The following PDIA5 variants were observed in gnomAD, a reference collection of about 807,000 sequenced individuals.
PDIA5 encodes protein disulfide isomerase family A member 5.
A neutral mutation model predicts 77.6 loss-of-function variants in PDIA5; 58 were observed. That is an observed-to-expected ratio of 0.75 (90% CI 0.61 to 0.93). The LOEUF (loss-of-function observed/expected upper bound fraction) is 0.93. Ranked by LOEUF, PDIA5 falls within the 40% of genes least tolerant of loss-of-function variation. PDIA5 has a pLI of 0.00. For missense variants in PDIA5, 630 were observed against 647.7 expected (o/e 0.97, Z 0.30); for synonymous variants, 250 against 252.1 (o/e 0.99, Z 0.08).
chr3:123,070,614 C>T (rs1324506290), intron 1 of PDIA5, among the ~76,000 whole-genome samples: 2 of 152,152 alleles, frequency 1.3e-5, no homozygotes, highest in Non-Finnish European at 2.9e-5. Context: ...CTGCCAAGTG[C>T]TCCTGGACAC....
chr3:123,141,163 T>G (rs1349278206), intron 11 of PDIA5, among the ~76,000 whole-genome samples: 2 of 152,366 alleles, frequency 1.3e-5, no homozygotes, highest in East Asian at 3.9e-4. Context: ...TCTCAGTGAA[T>G]GGCAATGGCT....
chr3:123,122,799 C>CCT (rs556630564), intron 8 of PDIA5, among the ~76,000 whole-genome samples: 1 of 152,134 alleles, frequency 6.6e-6, no homozygotes, highest in Non-Finnish European at 1.5e-5. Context: ...TATTTATTTT[C>CCT]CTCTCTCTCT....
chr3:123,124,675 A>G (rs2107959663), intron 10 of PDIA5, among the ~76,000 whole-genome samples: 1 of 152,322 alleles, frequency 6.6e-6, no homozygotes, highest in South Asian at 2.1e-4. Context: ...CTTCTGGAAT[A>G]GTCAGGGCCT....
chr3:123,100,181 T>C (rs891653856), intron 3 of PDIA5, among the ~76,000 whole-genome samples: 8 of 152,076 alleles, frequency 5.3e-5, no homozygotes, highest in Non-Finnish European at 1.2e-4. Flanking sequence ...ACATCCTGAG[T>C]TGAGCCCTGT....
intron 15 of PDIA5, among the ~76,000 whole-genome samples, chr3:123,155,591 G>A (rs971801512): frequency 6.6e-5 from 10 of 152,256 alleles, no homozygotes; most frequent in African/African-American, 2.4e-4. Context: ...GGGGGCTTCT[G>A]CTGGGAGAGG....
At chr3:123,142,326 C>T (rs1935658953) in intron 11 of PDIA5, among the ~76,000 whole-genome samples, 1 of 152,264 alleles carries the variant, frequency 6.6e-6, no homozygotes, top group South Asian at 2.1e-4. Flanking sequence ...CCCTGGGAAT[C>T]TGCATGTAAT....
chr3:123,115,540 G>A (rs1413911570), intron 7 of PDIA5, among the ~76,000 whole-genome samples: 1 of 152,130 alleles, frequency 6.6e-6, no homozygotes, highest in Non-Finnish European at 1.5e-5. Context: ...AGGTTGTGTG[G>A]TCCAGCCTCT....
intron 11 of PDIA5, among the ~76,000 whole-genome samples, chr3:123,143,688 A>G (rs1935694307): frequency 6.6e-6 from 1 of 152,186 alleles, no homozygotes; most frequent in African/African-American, 2.4e-5. Flanking sequence ...AGCTCCCTAG[A>G]TAATGGCAGC....
In PDIA5 at chr3:123,106,834, G is replaced by A. The variant is rs148629858; in HGVS notation, c.473G>A (p.Ser158Asn). ...GCCAAAGATGTTGTCCACCTTGACA[G>A]TGAAAAGGTAATGTATTCCCCGTCA... ...PGAKDVVHLD[S>N]EKDFRRLLKK... Residue 158 changes from serine (S) to asparagine (N), a missense_variant, in exon 6 of 17, where the codon AGT becomes AAT. Physicochemically the swap from Ser to Asn is conservative, Grantham distance 46. Transcript: ENST00000316218. 1.2e-6 allele frequency: 2 copies of A among 1,604,270 alleles called. No individual in the cohort carries two copies. Among genetic ancestry groups the A allele is most frequent in the Non-Finnish European group, 8.5e-7 (1 of 1,172,238 alleles).
chr3:123,109,823 T>A (rs1243866954), intron 6 of PDIA5, among the ~76,000 whole-genome samples: 1 of 152,232 alleles, frequency 6.6e-6, no homozygotes, highest in Non-Finnish European at 1.5e-5. Flanking sequence ...TTTTATGTGC[T>A]GTTTTGTAAC....
At position 123,090,858 on chromosome 3, in the gene PDIA5, C is replaced by T. The variant is rs569195982; in HGVS notation, c.170-1497C>T. ...CACTTGTCAGCCTACCTCCTGCTTT[C>T]ATTGCCTGATGGGGCCTGGGCAATT... is the stretch of plus-strand genomic sequence containing the variant. On this transcript the variant is annotated intron_variant, in intron 2 of 16. Transcript: ENST00000316218. 5.3e-5 allele frequency among the ~76,000 whole-genome samples: 8 copies of T among 152,302 alleles called. No homozygotes were observed. The South Asian group carries it at 1.5e-3, about 28-fold the overall frequency.
intron 11 of PDIA5, chr3:123,145,168 G>C (rs1042249939): frequency 9.2e-6 from 2 of 218,510 alleles, no homozygotes; most frequent in Admixed American, 1.1e-4. Context: ...ATATGGCCTT[G>C]GGCAGTCACC....
intron 8 of PDIA5, among the ~76,000 whole-genome samples, chr3:123,120,534 A>T (rs1383231165): frequency 6.6e-6 from 1 of 152,194 alleles, no homozygotes; most frequent in East Asian, 1.9e-4. Context: ...TTTCCTGTTA[A>T]CACATTGGAG....
Position 123,089,953 on chromosome 3 carries a change from C to G in PDIA5, c.169+659C>G, listed in dbSNP as rs1285343841. On this transcript the variant is annotated intron_variant, in intron 2 of 16. Transcript: ENST00000316218. ...GGCAGTGACTTTGGGGGAGGGTGAA[C>G]GCTGACTCTGTTGAAGTTGTTCCAG... 2.0e-5 allele frequency among the ~76,000 whole-genome samples: 3 copies of G among 152,204 alleles called. No individual in the cohort carries two copies. The South Asian group carries it at 6.2e-4, about 31-fold the overall frequency.
intron 2 of PDIA5, among the ~76,000 whole-genome samples, chr3:123,092,117 C>T (rs1476862008): frequency 6.6e-6 from 1 of 152,052 alleles, no homozygotes; most frequent in African/African-American, 2.4e-5. Flanking sequence ...GGTTCTGTGT[C>T]CAAGAGGAAG....
At chr3:123,099,091 C>T (rs986864549) in intron 3 of PDIA5, among the ~76,000 whole-genome samples, 8 of 152,098 alleles carry the variant, frequency 5.3e-5, no homozygotes, top group Admixed American at 3.3e-4. Flanking sequence ...CACACTTATA[C>T]ATTTTGAGAG....
chr3:123,071,642 C>T (rs1933725640), intron 1 of PDIA5, among the ~76,000 whole-genome samples: 1 of 152,134 alleles, frequency 6.6e-6, no homozygotes, highest in South Asian at 2.1e-4. Context: ...TGGCTGAGTG[C>T]CATAAGAGTG....
intron 1 of PDIA5, among the ~76,000 whole-genome samples, chr3:123,072,560 G>C (rs1322559852): frequency 2.0e-5 from 3 of 152,200 alleles, no homozygotes; most frequent in Admixed American, 1.3e-4. Flanking sequence ...TTGGAGCTGA[G>C]CTCTTGACTG....
intron 6 of PDIA5, among the ~76,000 whole-genome samples, chr3:123,110,544 G>A (rs1326662688): frequency 6.6e-6 from 1 of 152,168 alleles, no homozygotes. Flanking sequence ...GTCACAGGAA[G>A]GGGCAGCCTA....
Sources: allele counts gnomAD v4.1 joint callset (sites outside exome capture counted in the v4.1 genomes callset), GRCh38; gene constraint gnomAD v4.1.1; transcripts MANE v1.5; gene names NCBI Gene and HGNC (gene_info 2026-07-23, HGNC 2026-07-21).